CDH12: variants seen among roughly 807,000 people sequenced by gnomAD.
The protein encoded by CDH12 is cadherin-12.
CDH12 carries 41 observed loss-of-function variants against 74.1 expected under a neutral mutation model. The observed-to-expected ratio is 0.55, with a 90% CI of 0.43 to 0.72. CDH12 has a LOEUF of 0.72. CDH12 is among the 30% of genes least tolerant of loss of function. The probability of loss-of-function intolerance (pLI) is 0.00; values close to 1 mark genes in which losing one functional copy is unlikely to be tolerated. For missense variants in CDH12, 945 were observed against 977.2 expected (o/e 0.97, Z 0.44); for synonymous variants, 399 against 355.0 (o/e 1.12, Z -1.39).
chr5:22,782,785 C>T (rs1029717399), intron 1 of CDH12, among the ~76,000 whole-genome samples: 9 of 152,080 alleles, frequency 5.9e-5, no homozygotes, highest in African/African-American at 2.2e-4. Context: ...ATGTGGAAAC[C>T]ATGCACAGGA....
intron 1 of CDH12, among the ~76,000 whole-genome samples, chr5:22,531,949 C>T (rs1737603817): frequency 6.6e-6 from 1 of 152,074 alleles, no homozygotes; most frequent in Admixed American, 6.5e-5. Context: ...CTGTGGTTCA[C>T]CAGGCAGGGC....
intron 4 of CDH12, among the ~76,000 whole-genome samples, chr5:22,181,073 T>A (rs80157107): frequency 0.027 from 4,164 of 152,184 alleles, 83 homozygotes; most frequent in Middle Eastern, 0.068. Context: ...CAGCAGATCA[T>A]CCTCTCTTCT....
chr5:21,776,738 C>T (rs1392208405), intron 11 of CDH12, among the ~76,000 whole-genome samples: 1 of 152,194 alleles, frequency 6.6e-6, no homozygotes, highest in African/African-American at 2.4e-5. Flanking sequence ...CTTATTCCTT[C>T]CCACACCCTG....
intron 5 of CDH12, among the ~76,000 whole-genome samples, chr5:22,006,780 T>C (rs1187028151): frequency 6.6e-6 from 1 of 152,186 alleles, no homozygotes; most frequent in Non-Finnish European, 1.5e-5. Context: ...GCACATTAGG[T>C]CGCTCTAAGC....
chr5:22,419,951 T>C (rs1272981189), intron 2 of CDH12, among the ~76,000 whole-genome samples: 1 of 152,122 alleles, frequency 6.6e-6, no homozygotes, highest in Non-Finnish European at 1.5e-5. Context: ...TGTCTTCTTT[T>C]GATAAATGTC....
Position 21,898,234 on chromosome 5 carries a change from T to G in CDH12, c.527-43444A>C, listed in dbSNP as rs944009151. 2.6e-5 allele frequency among the ~76,000 whole-genome samples: 4 copies of G among 152,058 alleles called. No homozygotes were observed. In the East Asian group the frequency reaches 7.7e-4, roughly 29 times the overall value. ...TTTTCTTTTTAATATTTTATTTTAT[T>G]TTTAGAGACAGGGTCTCACTCTGTG... On this transcript the variant is annotated intron_variant, in intron 6 of 14. Coordinates refer to ENST00000382254, the MANE Select transcript of CDH12 (RefSeq NM_004061.5).
intron 2 of CDH12, among the ~76,000 whole-genome samples, chr5:22,429,754 T>C (rs1359744281): frequency 1.3e-5 from 2 of 152,208 alleles, no homozygotes; most frequent in Non-Finnish European, 2.9e-5. Flanking sequence ...TCACAGTCTG[T>C]TGGCTTCTGT....
chr5:22,540,180 GATAA>G (rs1311984262), intron 1 of CDH12, among the ~76,000 whole-genome samples: 8 of 151,814 alleles, frequency 5.3e-5, no homozygotes, highest in African/African-American at 1.2e-4. Flanking sequence ...AAAATTGAGG[GATAA>G]ATATATTCAT....
chr5:22,825,810 T>C (rs185642774), intron 1 of CDH12, among the ~76,000 whole-genome samples: 2 of 152,262 alleles, frequency 1.3e-5, no homozygotes, highest in African/African-American at 2.4e-5. Flanking sequence ...AGGAGTTGTG[T>C]TAAAGACCAA....
rs201706687 is a variant in CDH12 at position 21,928,743 on chromosome 5, T to A, written c.526+46348A>T. On this transcript the variant is annotated intron_variant, in intron 6 of 14. Coordinates refer to ENST00000382254, the MANE Select transcript of CDH12 (RefSeq NM_004061.5). ...TTGGCATACATTATTTCCTTGCCAA[T>A]GAACTGAGTAATGCTATCAGATATT... 2.7e-5 allele frequency among the ~76,000 whole-genome samples: 4 copies of A among 148,384 alleles called. No individual in the cohort carries two copies. The East Asian group carries it at 7.8e-4, about 29-fold the overall frequency.
At chr5:22,543,628 A>T (rs1738194585) in intron 1 of CDH12, among the ~76,000 whole-genome samples, 1 of 152,158 alleles carries the variant, frequency 6.6e-6, no homozygotes, top group African/African-American at 2.4e-5. Flanking sequence ...CTAGAAAGAA[A>T]ATTAGTAAAA....
intron 2 of CDH12, among the ~76,000 whole-genome samples, chr5:22,473,878 G>A (rs559515091): frequency 1.3e-5 from 2 of 152,200 alleles, no homozygotes; most frequent in Admixed American, 1.3e-4. Flanking sequence ...ATCTCAAAAA[G>A]TTGGGTTGAA....
chr5:22,443,202 T>C (rs1405112806), intron 2 of CDH12, among the ~76,000 whole-genome samples: 1 of 152,246 alleles, frequency 6.6e-6, no homozygotes, highest in Non-Finnish European at 1.5e-5. Flanking sequence ...GAGTACGTTT[T>C]TGTATGTGTG....
At chr5:22,278,349 AAGT>A (rs1223865437) in intron 3 of CDH12, among the ~76,000 whole-genome samples, 2 of 152,220 alleles carry the variant, frequency 1.3e-5, no homozygotes, top group East Asian at 3.8e-4. Flanking sequence ...CACCTGGCCT[AAGT>A]ACTGAGCCTC....
At chr5:22,755,126 T>G (rs1380305392) in intron 1 of CDH12, among the ~76,000 whole-genome samples, 1 of 152,192 alleles carries the variant, frequency 6.6e-6, no homozygotes, top group Admixed American at 6.5e-5. Context: ...ATACTATATA[T>G]TCTTTAAATT....
intron 1 of CDH12, among the ~76,000 whole-genome samples, chr5:22,589,775 T>C (rs919314304): frequency 6.6e-6 from 1 of 152,188 alleles, no homozygotes; most frequent in African/African-American, 2.4e-5. Flanking sequence ...CTTTTTTCCT[T>C]TCCATATATA....
chr5:21,758,165 G>A (rs1273137041), intron 13 of CDH12, among the ~76,000 whole-genome samples: 2 of 152,070 alleles, frequency 1.3e-5, no homozygotes, highest in Admixed American at 1.3e-4. Flanking sequence ...CCTATTTTAT[G>A]TGTGCTGCTG....
intron 4 of CDH12, among the ~76,000 whole-genome samples, chr5:22,129,955 A>G (rs566779187): frequency 1.5e-4 from 23 of 152,186 alleles, no homozygotes; most frequent in Non-Finnish European, 2.9e-4. Flanking sequence ...TAAGCTGTGT[A>G]ATAAAACAAA....
intron 1 of CDH12, among the ~76,000 whole-genome samples, chr5:22,677,219 G>T (rs1318620162): frequency 1.3e-5 from 2 of 152,096 alleles, no homozygotes; most frequent in African/African-American, 4.8e-5. Context: ...CACACACTCT[G>T]TCTCAAGGTA....
Sources: gnomAD v4.1 joint callset for allele counts (sites outside exome capture counted in the v4.1 genomes callset) on GRCh38, gnomAD v4.1.1 for gene constraint, MANE v1.5 for transcripts, NCBI Gene and HGNC (gene_info 2026-07-23, HGNC 2026-07-21) for gene names.